CADM2: variants seen among roughly 807,000 people sequenced by gnomAD.
CADM2 encodes the protein immunoglobulin superfamily member 4D.
Under a neutral mutation model 49.8 loss-of-function variants are expected in CADM2, and 12 were observed. The observed-to-expected ratio is 0.24, with a 90% CI of 0.15 to 0.39. The LOEUF (loss-of-function observed/expected upper bound fraction) is 0.39. CADM2 is among the 10% of genes least tolerant of loss of function. The pLI, the probability that CADM2 is intolerant of heterozygous loss-of-function variation, is 1.00. For synonymous variants in CADM2, 214 were observed against 175.4 expected, an observed-to-expected ratio of 1.22 and a Z score of -1.74; for missense variants, 378 against 492.3, an observed-to-expected ratio of 0.77 and a Z score of 2.20.
At chr3:85,913,859 TG>T (rs1346682270) in intron 6 of CADM2, among the ~76,000 whole-genome samples, 1 of 151,972 alleles carries the variant, frequency 6.6e-6, no homozygotes, top group African/African-American at 2.4e-5. Context: ...TGAGTATGTG[TG>T]TTGGTGTAAT....
chr3:85,626,491 G>A (rs1392761957), intron 1 of CADM2, among the ~76,000 whole-genome samples: 1 of 151,436 alleles, frequency 6.6e-6, no homozygotes, highest in Non-Finnish European at 1.5e-5. Context: ...TCTCACACTT[G>A]GAAAGTAACT....
intron 1 of CADM2, among the ~76,000 whole-genome samples, chr3:85,524,320 CTTTCTT>C (rs1490838890): frequency 6.6e-6 from 1 of 151,182 alleles, no homozygotes; most frequent in African/African-American, 2.4e-5. Flanking sequence ...GATTTGAGAC[CTTTCTT>C]ATGTTTTAAC....
At chr3:85,401,872 C>T (rs185666979) in intron 1 of CADM2, among the ~76,000 whole-genome samples, 1 of 152,226 alleles carries the variant, frequency 6.6e-6, no homozygotes, top group African/African-American at 2.4e-5. Context: ...ACAGAACAGT[C>T]ACAACCACTG....
At chr3:86,024,164 A>G (rs1433575480) in intron 8 of CADM2, among the ~76,000 whole-genome samples, 1 of 152,202 alleles carries the variant, frequency 6.6e-6, no homozygotes, top group Non-Finnish European at 1.5e-5. Context: ...ATTGGAAAGC[A>G]ATGCCTCCTT....
At chr3:85,621,139 C>T (rs745875700) in intron 1 of CADM2, among the ~76,000 whole-genome samples, 6 of 152,150 alleles carry the variant, frequency 3.9e-5, no homozygotes, top group Admixed American at 6.6e-5. Context: ...CTAACAAAGA[C>T]GCACAATTAT....
In CADM2 at chr3:85,131,204, A is replaced by G. The variant is rs538233097; in HGVS notation, c.61+171536A>G. ...CAGAAAAGAAAAAAAAAATGCTATTAAAATAAAAACAAAGAGCAATACATA... is the reference window on the plus strand; with the variant it reads ...CAGAAAAGAAAAAAAAAATGCTATTGAAATAAAAACAAAGAGCAATACATA... On this transcript the variant is annotated intron_variant, in intron 1 of 9. Transcript: ENST00000383699. Among the ~76,000 whole-genome samples, 19 of 152,346 alleles carry G rather than the reference A, an allele frequency of 1.2e-4. 1 individual carries two copies. Among genetic ancestry groups the G allele is most frequent in the Non-Finnish European group, 2.6e-4 (18 of 68,030 alleles).
chr3:85,387,714 A>G (rs2034308517), intron 1 of CADM2, among the ~76,000 whole-genome samples: 3 of 152,150 alleles, frequency 2.0e-5, no homozygotes, highest in African/African-American at 7.2e-5. Context: ...AAATATATGT[A>G]GTATTATTTA....
intron 1 of CADM2, among the ~76,000 whole-genome samples, chr3:85,632,302 C>CA (rs1298762388): frequency 2.6e-4 from 40 of 152,120 alleles, no homozygotes; most frequent in South Asian, 1.0e-3. Flanking sequence ...AAGGTTTCCC[C>CA]AGCCATGTGG....
chr3:85,072,524 A>G (rs2036792247), intron 1 of CADM2, among the ~76,000 whole-genome samples: 1 of 152,096 alleles, frequency 6.6e-6, no homozygotes, highest in African/African-American at 2.4e-5. Flanking sequence ...TCATGTGCCA[A>G]AGAATTACTC....
intron 2 of CADM2, among the ~76,000 whole-genome samples, chr3:85,790,424 C>T (rs1490904293): frequency 1.3e-5 from 2 of 152,200 alleles, no homozygotes. Context: ...CATAAGTTCC[C>T]TGGTCTGCTA....
chr3:85,393,907 C>T (rs780101401), intron 1 of CADM2, among the ~76,000 whole-genome samples: 35 of 152,072 alleles, frequency 2.3e-4, no homozygotes, highest in Non-Finnish European at 4.0e-4. Context: ...CCCAGTTTCA[C>T]GCCATTCTCC....
intron 1 of CADM2, among the ~76,000 whole-genome samples, chr3:85,129,613 A>G (rs60184399): frequency 0.061 from 9,248 of 152,216 alleles, 937 homozygotes; most frequent in African/African-American, 0.21. Flanking sequence ...GCCAGCACAC[A>G]CATTCTTATC....
At chr3:85,229,351 A>G (rs543747210) in intron 1 of CADM2, among the ~76,000 whole-genome samples, 54 of 152,314 alleles carry the variant, frequency 3.5e-4, no homozygotes, top group African/African-American at 1.3e-3. Flanking sequence ...TCCTACTGGT[A>G]CAGTCTCTCA....
intron 8 of CADM2, among the ~76,000 whole-genome samples, chr3:86,064,788 A>G (rs536488553): frequency 2.6e-5 from 4 of 152,258 alleles, no homozygotes; most frequent in East Asian, 3.9e-4. Context: ...TTCTGGGCTG[A>G]TTTCTTGCCT....
intron 1 of CADM2, among the ~76,000 whole-genome samples, chr3:84,992,947 C>T (rs1458972140): frequency 2.6e-5 from 4 of 152,048 alleles, no homozygotes; most frequent in Non-Finnish European, 5.9e-5. Flanking sequence ...TAAGTTGATT[C>T]CCATGTTTAG....
At position 85,224,502 on chromosome 3, in the gene CADM2, C is replaced by T. The variant is rs144689052; in HGVS notation, c.61+264834C>T. ...GTTCTTCGTAGAGTCTGGATATTAGCCCTTTGTCAGATGGATAGATTGCAA... is the reference window on the plus strand; with the variant it reads ...GTTCTTCGTAGAGTCTGGATATTAGTCCTTTGTCAGATGGATAGATTGCAA... On this transcript the variant is annotated intron_variant, in intron 1 of 9. Coordinates refer to ENST00000383699, the MANE Select transcript of CADM2 (RefSeq NM_001167675.2). Among the ~76,000 whole-genome samples the T allele has an allele frequency of 4.5e-4, 68 of 152,198 alleles. No individual in the cohort carries two copies. The East Asian group carries it at 0.013, about 29-fold the overall frequency.
intron 1 of CADM2, among the ~76,000 whole-genome samples, chr3:84,961,129 C>T (rs995471184): frequency 6.6e-5 from 10 of 151,956 alleles, no homozygotes; most frequent in African/African-American, 1.9e-4. Context: ...GTAAGACACA[C>T]GTAGACTCAC....
chr3:85,715,395 TA>T (rs1225687438), intron 1 of CADM2, among the ~76,000 whole-genome samples: 9 of 152,206 alleles, frequency 5.9e-5, no homozygotes, highest in African/African-American at 2.2e-4. Flanking sequence ...GATTAGTGAG[TA>T]AAAAGTTCAA....
At chr3:85,393,946 A>G (rs2034642908) in intron 1 of CADM2, among the ~76,000 whole-genome samples, 1 of 152,090 alleles carries the variant, frequency 6.6e-6, no homozygotes, top group Non-Finnish European at 1.5e-5. Flanking sequence ...AGCTGGGACT[A>G]CAGGCGCCCG....
Sources: gnomAD v4.1 joint callset for allele counts (sites outside exome capture counted in the v4.1 genomes callset) on GRCh38, gnomAD v4.1.1 for gene constraint, MANE v1.5 for transcripts, NCBI Gene and HGNC (gene_info 2026-07-23, HGNC 2026-07-21) for gene names.